IQGAP2: variants seen among roughly 807,000 people sequenced by gnomAD.
IQGAP2 encodes the protein IQ motif containing GTPase activating protein 2.
A neutral mutation model predicts 201.3 loss-of-function variants in IQGAP2; 173 were observed. That is an observed-to-expected ratio of 0.86 (90% CI 0.76 to 0.98). IQGAP2 has a LOEUF of 0.98. IQGAP2 is among the 50% of genes least tolerant of loss of function. IQGAP2 has a pLI of 0.00. For missense variants in IQGAP2, 1,687 were observed against 1,864.8 expected (o/e 0.90, Z 1.76); for synonymous variants, 675 against 673.9 (o/e 1.00, Z -0.03).
chr5:76,570,579 G>C lies in IQGAP2; in HGVS notation c.304-1G>C. The C allele has an allele frequency of 1.2e-6, 2 of 1,610,048 alleles. No homozygotes were observed. Among genetic ancestry groups the C allele is most frequent in the Non-Finnish European group, 1.7e-6 (2 of 1,176,372 alleles). ...CTTTTTCCCTCCTATCGTCACTTTA[G>C]AAGTCTGGCCTTCATTTTCGACACA... On this transcript the variant is annotated splice_acceptor_variant, in intron 3 of 35. Transcript: ENST00000274364. LOFTEE classifies it high-confidence loss of function.
In IQGAP2 at chr5:76,701,224, C is replaced by T; in HGVS notation, c.4505+11C>T. On this transcript the variant is annotated intron_variant, in intron 34 of 35. Coordinates refer to ENST00000274364, the MANE Select transcript of IQGAP2 (RefSeq NM_006633.5). ...TCTTCAAACAAACCAGTAAGTGTGA[C>T]CTGGAATCTGCATAGAACACGCATG... 1 of 1,613,482 alleles carries T rather than the reference C, an allele frequency of 6.2e-7. No individual in the cohort carries two copies. Among genetic ancestry groups the T allele is most frequent in the Non-Finnish European group, 8.5e-7 (1 of 1,179,500 alleles).
chr5:76,588,803 C>G (rs1285990412), intron 5 of IQGAP2, 103 bp from the exon 6 acceptor site: 1 of 570,298 alleles, frequency 1.8e-6, no homozygotes, highest in Non-Finnish European at 3.0e-6. Flanking sequence ...CTAGATATCT[C>G]TTAGGTCTTT....
At chr5:76,539,054 C>A (rs990873109) in intron 2 of IQGAP2, among the ~76,000 whole-genome samples, 7 of 152,148 alleles carry the variant, frequency 4.6e-5, no homozygotes, top group African/African-American at 7.2e-5. Flanking sequence ...AGCAGTGTCC[C>A]CCTTTGGTAT....
chr5:76,696,425 G>T (rs894683448), intron 32 of IQGAP2, among the ~76,000 whole-genome samples: 2 of 152,286 alleles, frequency 1.3e-5, no homozygotes, highest in South Asian at 2.1e-4. Flanking sequence ...CCTGAGCAAA[G>T]GATCTCAACT....
chr5:76,603,916 G>A (rs1747608216), intron 11 of IQGAP2, among the ~76,000 whole-genome samples: 1 of 152,104 alleles, frequency 6.6e-6, no homozygotes, highest in African/African-American at 2.4e-5. Flanking sequence ...GGTAACTTCA[G>A]TACTGGAGAG....
chr5:76,526,245 G>A (rs1179094368), intron 2 of IQGAP2, among the ~76,000 whole-genome samples: 1 of 152,192 alleles, frequency 6.6e-6, no homozygotes, highest in Non-Finnish European at 1.5e-5. Context: ...CTCACTCTTT[G>A]TGTACAAATG....
intron 2 of IQGAP2, among the ~76,000 whole-genome samples, chr5:76,488,218 T>C (rs549031721): frequency 1.3e-5 from 2 of 152,332 alleles, no homozygotes; most frequent in Admixed American, 6.5e-5. Context: ...TAAATTATTA[T>C]AAATGTGAGG....
At chr5:76,408,941 C>T (rs1388619656) in intron 1 of IQGAP2, among the ~76,000 whole-genome samples, 1 of 151,896 alleles carries the variant, frequency 6.6e-6, no homozygotes, top group African/African-American at 2.4e-5. Context: ...TACAGGAATG[C>T]ACCACCACAC....
intron 14 of IQGAP2, among the ~76,000 whole-genome samples, chr5:76,630,759 G>C (rs1209643408): frequency 6.6e-6 from 1 of 152,086 alleles, no homozygotes; most frequent in African/African-American, 2.4e-5. Context: ...AAGAGGAAAG[G>C]GCTATGTCTA....
intron 11 of IQGAP2, among the ~76,000 whole-genome samples, chr5:76,604,100 G>T (rs76209632): frequency 1.3e-5 from 2 of 152,010 alleles, no homozygotes; most frequent in Admixed American, 6.6e-5. Context: ...TCTAGATTAG[G>T]TATTTCTCCT....
chr5:76,698,047 C>T lies in IQGAP2; in HGVS notation c.4267C>T (p.Gln1423Ter). 1.9e-6 allele frequency: 3 copies of T among 1,613,056 alleles called. No homozygotes were observed. The highest frequency in any genetic ancestry group is 2.5e-6 in the Non-Finnish European group (3 of 1,179,270). The change falls in exon 33 of 36, where the codon CAG becomes TAG. Residue 1423 changes from glutamine (Q) to a stop codon, truncating the protein, a stop_gained. Transcript: ENST00000274364. LOFTEE classifies it high-confidence loss of function. ...AAAAGCTGAATTGGCAAAACTTCAG[C>T]AGACCCTGAATGCACTTAACAAGAA... ...LRKAELAKLQ[Q>*]TLNALNKKAA...
chr5:76,475,021 C>A (rs1755330380), intron 2 of IQGAP2, among the ~76,000 whole-genome samples: 1 of 152,290 alleles, frequency 6.6e-6, no homozygotes, highest in African/African-American at 2.4e-5. Flanking sequence ...TGAGGTCTGC[C>A]TTTTAACAGA....
chr5:76,577,129 T>C lies in IQGAP2; in HGVS notation c.458+1360T>C, dbSNP rs115043400. Among the ~76,000 whole-genome samples the C allele has an allele frequency of 1.6e-3, 243 of 152,326 alleles. 2 individuals are homozygous for C. Among genetic ancestry groups the C allele is most frequent in the African/African-American group, 5.6e-3 (233 of 41,586 alleles). On this transcript the variant is annotated intron_variant, in intron 5 of 35. Coordinates refer to ENST00000274364, the MANE Select transcript of IQGAP2 (RefSeq NM_006633.5). The stretch of plus-strand genomic sequence containing the variant: ...GCTAATCTCTAGTTCTGTCGCATGC[T>C]CGTGGGCTGTCTCGTATAAGTTTCA...
intron 2 of IQGAP2, among the ~76,000 whole-genome samples, chr5:76,496,738 TTTCTTTCTTTCTTTCTTTCTTTC>T (rs1561416246): frequency 1.5e-4 from 6 of 39,634 alleles, no homozygotes; most frequent in African/African-American, 4.4e-4. Context: ...TCTTTCTTTC[TTTCTTTCTTTCTTTCTTTCTTTC>T]TTTCTTTCTT....
At chr5:76,628,575 G>T in intron 14 of IQGAP2, 1 of 326,826 alleles carries the variant, frequency 3.1e-6, no homozygotes, top group Non-Finnish European at 6.0e-6. Flanking sequence ...TATAAATTAA[G>T]ATTCCTAAAA....
rs2069685 is a variant in IQGAP2 at position 76,617,480 on chromosome 5, T to G, written c.1521+6297T>G. 29 of 841,816 alleles carry G rather than the reference T, an allele frequency of 3.4e-5. No homozygotes were observed. The African/African-American group carries it at 5.0e-4, about 14-fold the overall frequency. 52.1% of individuals were successfully genotyped at this position (841,816 alleles called of 1,614,324 possible). On this transcript the variant is annotated intron_variant, in intron 13 of 35. Transcript: ENST00000274364. ...GTAATGTTTGACCTTTGAAGCATAT[T>G]TCTTAGGAGCTCGGAAATGGAGCTC...
intron 1 of IQGAP2, among the ~76,000 whole-genome samples, chr5:76,423,585 C>T (rs1751845187): frequency 6.6e-6 from 1 of 152,218 alleles, no homozygotes. Flanking sequence ...CGTGCCACTG[C>T]ACTCTAGCCT....
At chr5:76,561,257 A>G (rs899514145) in intron 2 of IQGAP2, among the ~76,000 whole-genome samples, 1 of 152,166 alleles carries the variant, frequency 6.6e-6, no homozygotes, top group African/African-American at 2.4e-5. Flanking sequence ...CTGGATTCCA[A>G]TTTTATAGTG....
chr5:76,689,718 C>T (rs538834592), intron 30 of IQGAP2, among the ~76,000 whole-genome samples: 9 of 151,298 alleles, frequency 5.9e-5, no homozygotes, highest in African/African-American at 2.2e-4. Context: ...AGCAGGAGCA[C>T]TAAATGGCTA....
Sources: gnomAD v4.1 joint callset for allele counts (sites outside exome capture counted in the v4.1 genomes callset) on GRCh38, gnomAD v4.1.1 for gene constraint, MANE v1.5 for transcripts, NCBI Gene and HGNC (gene_info 2026-07-23, HGNC 2026-07-21) for gene names.